The following TRHDE variants were observed in gnomAD, a reference collection of about 807,000 sequenced individuals.
TRHDE encodes the protein thyrotropin-releasing hormone-degrading ectoenzyme.
A neutral mutation model predicts 125.7 loss-of-function variants in TRHDE; 72 were observed. That is an observed-to-expected ratio of 0.57 (90% CI 0.47 to 0.70). The LOEUF is 0.70. TRHDE is among the 30% of genes least tolerant of loss of function. The probability of loss-of-function intolerance (pLI) is 0.00; values close to 1 mark genes in which losing one functional copy is unlikely to be tolerated. For synonymous variants in TRHDE, 509 were observed against 509.1 expected (o/e 1.00, Z 0.00); for missense variants, 1,110 against 1,327.1 (o/e 0.84, Z 2.54).
chr12:72,300,897 C>G (rs1175105074), intron 2 of TRHDE, among the ~76,000 whole-genome samples: 1 of 152,022 alleles, frequency 6.6e-6, no homozygotes, highest in Non-Finnish European at 1.5e-5. Flanking sequence ...TTTCAGGTTG[C>G]CTGACTGAGT....
chr12:72,560,590 G>A (rs1419780091), intron 7 of TRHDE: 1 of 152,176 alleles, frequency 6.6e-6, no homozygotes, highest in African/African-American at 2.4e-5. Flanking sequence ...GGCAGGCCAT[G>A]GAGGGAGACT....
intron 3 of TRHDE, among the ~76,000 whole-genome samples, chr12:72,457,380 G>A (rs1004922258): frequency 2.0e-5 from 3 of 151,760 alleles, no homozygotes; most frequent in Non-Finnish European, 2.9e-5. Flanking sequence ...CCCTCATTAC[G>A]CCAAGCACTC....
intron 3 of TRHDE, among the ~76,000 whole-genome samples, chr12:72,437,289 TCTTTGTAACCTTTC>T (rs1874790564): frequency 6.6e-6 from 1 of 151,880 alleles, no homozygotes; most frequent in Admixed American, 6.6e-5. Context: ...TTATCTTGCC[TCTTTGTAACCTTTC>T]CTTTTCCCTA....
intron 2 of TRHDE, among the ~76,000 whole-genome samples, chr12:72,315,800 G>T (rs543056650): frequency 1.2e-4 from 19 of 152,304 alleles, no homozygotes; most frequent in Admixed American, 2.0e-4. Context: ...GGTACTGATG[G>T]GAAAGGAGAG....
chr12:72,264,092 G>A (rs1278654367), intron 2 of TRHDE: 2 of 151,900 alleles, frequency 1.3e-5, no homozygotes, highest in South Asian at 2.1e-4. Context: ...ACATGTTCAG[G>A]TGAAACCATT....
intron 3 of TRHDE, among the ~76,000 whole-genome samples, chr12:72,433,701 CAT>C (rs1490776368): frequency 6.7e-6 from 1 of 148,604 alleles, no homozygotes; most frequent in African/African-American, 2.5e-5. Context: ...AAACAGCAAA[CAT>C]ATGAAGTATT....
chr12:72,142,949 G>A (rs955636837), intron 2 of TRHDE, among the ~76,000 whole-genome samples: 4 of 151,596 alleles, frequency 2.6e-5, no homozygotes, highest in African/African-American at 9.7e-5. Flanking sequence ...CCTCAAGCCC[G>A]TGTGTGACCT....
intron 7 of TRHDE, among the ~76,000 whole-genome samples, chr12:72,550,058 G>T (rs1869603964): frequency 6.6e-6 from 1 of 151,796 alleles, no homozygotes; most frequent in Non-Finnish European, 1.5e-5. Flanking sequence ...TTATCTATTA[G>T]TTAAGGGCTC....
At chr12:72,568,310 T>G (rs1056093045) in intron 9 of TRHDE, among the ~76,000 whole-genome samples, 1 of 151,946 alleles carries the variant, frequency 6.6e-6, no homozygotes, top group African/African-American at 2.4e-5. Context: ...CGAATCTTTT[T>G]TCCCCCAAGA....
intron 3 of TRHDE, among the ~76,000 whole-genome samples, chr12:72,395,044 A>AT (rs1285602181): frequency 2.0e-5 from 3 of 152,172 alleles, no homozygotes; most frequent in Admixed American, 2.0e-4. Context: ...CATAGTTATT[A>AT]TTTTTTTGTG....
chr12:72,339,475 G>A (rs778500982), intron 2 of TRHDE, among the ~76,000 whole-genome samples: 1 of 151,996 alleles, frequency 6.6e-6, no homozygotes, highest in Non-Finnish European at 1.5e-5. Flanking sequence ...TACGTTTTTT[G>A]GGGGTCTCAT....
At chr12:72,324,490 G>A (rs117854785) in intron 2 of TRHDE, among the ~76,000 whole-genome samples, 4 of 152,198 alleles carry the variant, frequency 2.6e-5, no homozygotes, top group East Asian at 1.9e-4. Context: ...ATACATGGGC[G>A]AGAAATCAGG....
intron 15 of TRHDE, among the ~76,000 whole-genome samples, chr12:72,631,009 G>GA (rs1307300375): frequency 6.7e-6 from 1 of 148,964 alleles, no homozygotes; most frequent in Non-Finnish European, 1.5e-5. Flanking sequence ...AAATCAAATA[G>GA]AAAAAAATAA....
intron 15 of TRHDE, among the ~76,000 whole-genome samples, chr12:72,622,942 T>C (rs1935131240): frequency 6.6e-6 from 1 of 151,994 alleles, no homozygotes; most frequent in Non-Finnish European, 1.5e-5. Context: ...AATTGATCTA[T>C]CATATATTTG....
At chr12:72,252,462 G>C (rs527883597) in intron 2 of TRHDE, among the ~76,000 whole-genome samples, 17 of 151,958 alleles carry the variant, frequency 1.1e-4, no homozygotes, top group Non-Finnish European at 2.2e-4. Context: ...TGTTTATATG[G>C]GTCTATTCCT....
chr12:72,324,373 G>T (rs978161554), intron 2 of TRHDE, among the ~76,000 whole-genome samples: 1 of 152,116 alleles, frequency 6.6e-6, no homozygotes, highest in Admixed American at 6.6e-5. Flanking sequence ...ATACAGGAAG[G>T]ATTTCCAGAG....
chr12:72,189,227 T>A (rs1181218492), intron 2 of TRHDE, among the ~76,000 whole-genome samples: 3 of 152,254 alleles, frequency 2.0e-5, no homozygotes, highest in Admixed American at 1.3e-4. Context: ...AGCTTAATAC[T>A]ATATTCAACT....
intron 2 of TRHDE, among the ~76,000 whole-genome samples, chr12:72,223,603 G>C (rs1412891949): frequency 6.6e-6 from 1 of 152,082 alleles, no homozygotes; most frequent in South Asian, 2.1e-4. Context: ...CCAAATTACA[G>C]ACCTGTTAAT....
At chr12:72,574,365 G>A (rs1870889327) in intron 10 of TRHDE, among the ~76,000 whole-genome samples, 1 of 151,884 alleles carries the variant, frequency 6.6e-6, no homozygotes, top group East Asian at 1.9e-4. Context: ...TTTTCACCTG[G>A]ATGTCAGACT....
Sources: gnomAD v4.1 joint callset for allele counts (sites outside exome capture counted in the v4.1 genomes callset) on GRCh38, gnomAD v4.1.1 for gene constraint, MANE v1.5 for transcripts, NCBI Gene and HGNC (gene_info 2026-07-23, HGNC 2026-07-21) for gene names.